The following TM4SF19 variants were observed in gnomAD, a reference collection of about 807,000 sequenced individuals.
TM4SF19 encodes transmembrane 4 L6 family member 19.
In TM4SF19, 17 loss-of-function variants were observed where a neutral mutation model predicts 21.8. That is an observed-to-expected ratio of 0.78 (90% confidence interval 0.53 to 1.17). The LOEUF is 1.17. Ranked by LOEUF, TM4SF19 falls within the 50% of genes most tolerant of loss-of-function variation. The pLI, the probability that TM4SF19 is intolerant of heterozygous loss-of-function variation, is 0.00. For missense variants in TM4SF19, 216 were observed against 252.1 expected (o/e 0.86, Z 0.97); for synonymous variants, 107 against 106.7 (o/e 1.00, Z -0.02).
rs35897935 is a variant in TM4SF19, at chr3:196,337,051, C to CTT, written c.-2+1211_-2+1212dup. On this transcript the variant is annotated intron_variant, in intron 1 of 4. Coordinates refer to ENST00000273695, the MANE Select transcript of TM4SF19 (RefSeq NM_138461.4). ...GACACTGCTGACGCAAAAAGCAATT[C>CTT]TTTTTTTTTTTTTTTTTTTTTTTTT... Among the ~76,000 whole-genome samples the CTT allele has an allele frequency of 6.1e-3, 412 of 67,834 alleles. 40 individuals carry two copies. Among genetic ancestry groups the CTT allele is most frequent in the Non-Finnish European group, 7.8e-3 (307 of 39,120 alleles). 44.5% of individuals were successfully genotyped at this position (67,834 alleles called of 152,430 possible). A position where few individuals can be genotyped will look rare whatever the true frequency, so the allele number is the denominator to read the frequency against.
At chr3:196,329,715 C>T (rs1317163600) in intron 1 of TM4SF19, among the ~76,000 whole-genome samples, 2 of 123,658 alleles carry the variant, frequency 1.6e-5, no homozygotes, top group African/African-American at 5.4e-5. Flanking sequence ...CACTAAAGGA[C>T]AAATATTGTA....
chr3:196,327,179 G>T lies in TM4SF19; in HGVS notation c.202-147C>A, dbSNP rs538053970. Reference sequence around the variant, plus strand: ...CTGGGGACCCACATTTGTATGACGAGCCTGATCTAACGCTGTGGATGTTAA... The same window carrying T: ...CTGGGGACCCACATTTGTATGACGATCCTGATCTAACGCTGTGGATGTTAA... On this transcript the variant is annotated intron_variant, in intron 2 of 4. Transcript: ENST00000273695. 40 of 794,344 alleles carry T rather than the reference G, an allele frequency of 5.0e-5. No homozygotes were observed. In the South Asian group the frequency reaches 6.3e-4, roughly 13 times the overall value. 49.2% of individuals were successfully genotyped at this position (794,344 alleles called of 1,614,324 possible).
In TM4SF19 at chr3:196,337,382, C is replaced by A. The variant is rs190047124; in HGVS notation, c.-2+882G>T. 2.0e-4 allele frequency among the ~76,000 whole-genome samples: 31 copies of A among 152,180 alleles called. 1 individual carries two copies. In the East Asian group the frequency reaches 3.9e-3, roughly 19 times the overall value. ...AGGTGACTATCAGGTGATGGCCAGG[C>A]GGTTGTTACACTGTCTTTCTAAAAT... On this transcript the variant is annotated intron_variant, in intron 1 of 4. Transcript: ENST00000273695.
At chr3:196,334,188 A>G (rs1282421210) in intron 1 of TM4SF19, among the ~76,000 whole-genome samples, 1 of 152,182 alleles carries the variant, frequency 6.6e-6, no homozygotes, top group Admixed American at 6.5e-5. Context: ...CCATCACATC[A>G]CTGACACTCA....
chr3:196,330,526 G>A (rs971828168), intron 1 of TM4SF19, among the ~76,000 whole-genome samples: 3 of 152,170 alleles, frequency 2.0e-5, no homozygotes. Flanking sequence ...AGTTCTATTA[G>A]GTAATAAAAT....
Position 196,327,286 on chromosome 3 carries a change from A to C in TM4SF19, c.201+104T>G, listed in dbSNP as rs1577406204. 7 of 1,166,156 alleles carry C rather than the reference A, an allele frequency of 6.0e-6. No individual in the cohort carries two copies. The East Asian group carries it at 1.8e-4, about 29-fold the overall frequency. 72.2% of individuals were successfully genotyped at this position (1,166,156 alleles called of 1,614,324 possible). On this transcript the variant is annotated intron_variant, in intron 2 of 4. Transcript: ENST00000273695. ...ACAGACCCAAGATCAGCTTGTTAGAATAAACTTTTCTGCAAGGAATCAAAA... is the reference window on the plus strand; with the variant it reads ...ACAGACCCAAGATCAGCTTGTTAGACTAAACTTTTCTGCAAGGAATCAAAA...
intron 1 of TM4SF19, among the ~76,000 whole-genome samples, chr3:196,334,578 C>T (rs1272221601): frequency 2.0e-5 from 3 of 152,042 alleles, no homozygotes; most frequent in African/African-American, 4.8e-5. Flanking sequence ...CTCAGACTCC[C>T]CAGTAGCTGG....
intron 1 of TM4SF19, among the ~76,000 whole-genome samples, chr3:196,332,164 G>C (rs546673487): frequency 1.7e-4 from 26 of 151,872 alleles, no homozygotes; most frequent in Middle Eastern, 3.4e-3. Context: ...CCAGCTACTC[G>C]GGAGGCTGAG....
intron 4 of TM4SF19, 37 bp downstream of exon 4, chr3:196,324,230 CTCTG>C (rs770336200): frequency 6.9e-6 from 11 of 1,586,374 alleles, no homozygotes; most frequent in Admixed American, 5.1e-5. Flanking sequence ...CTCTCTCTCT[CTCTG>C]TCTGAAAAGA....
chr3:196,329,111 T>G (rs1227918560), intron 1 of TM4SF19, among the ~76,000 whole-genome samples: 1 of 125,696 alleles, frequency 8.0e-6, no homozygotes, highest in Non-Finnish European at 1.7e-5. Flanking sequence ...GCCCGGTAAT[T>G]TTTTGTATTT....
intron 3 of TM4SF19, among the ~76,000 whole-genome samples, chr3:196,326,601 A>G (rs1045909015): frequency 1.3e-5 from 2 of 152,050 alleles, no homozygotes; most frequent in East Asian, 3.8e-4. Flanking sequence ...ATAACTAGGA[A>G]AATTTCCATC....
intron 3 of TM4SF19, 33 bp from the exon 4 acceptor site, chr3:196,324,473 G>A (rs756361618): frequency 5.7e-5 from 92 of 1,609,638 alleles, no homozygotes; most frequent in Middle Eastern, 1.6e-4. Flanking sequence ...GAGCTAAGAC[G>A]GGGTCGCAGC....
intron 1 of TM4SF19, 78 bp from the exon 2 acceptor site, chr3:196,327,669 G>A (rs1301121831): frequency 5.5e-6 from 7 of 1,279,282 alleles, no homozygotes; most frequent in Non-Finnish European, 5.6e-6. Flanking sequence ...CATATCATGG[G>A]TGAGGGAAAC....
chr3:196,330,363 A>G (rs1194956306), intron 1 of TM4SF19, among the ~76,000 whole-genome samples: 1 of 152,192 alleles, frequency 6.6e-6, no homozygotes, highest in Admixed American at 6.5e-5. Flanking sequence ...AATGTAATTA[A>G]TGTCACTGAA....
At chr3:196,324,193 G>C in intron 4 of TM4SF19, 78 bp downstream of exon 4, 2 of 1,541,338 alleles carry the variant, frequency 1.3e-6, no homozygotes, top group South Asian at 2.3e-5. Flanking sequence ...AAAGGAGCTT[G>C]TAGTTCGTCT....
chr3:196,332,178 G>GT (rs1357532543), intron 1 of TM4SF19, among the ~76,000 whole-genome samples: 2 of 151,796 alleles, frequency 1.3e-5, no homozygotes, highest in East Asian at 3.9e-4. Context: ...GGCTGAGGCA[G>GT]TAGAATGGCG....
chr3:196,336,425 ACAGCGCCCAGCC>A (rs1727765271), intron 1 of TM4SF19, among the ~76,000 whole-genome samples: 1 of 152,238 alleles, frequency 6.6e-6, no homozygotes, highest in Non-Finnish European at 1.5e-5. Flanking sequence ...GGTGTGAGCC[ACAGCGCCCAGCC>A]CAGAAAACTC....
chr3:196,324,019 C>A (rs1466894540), intron 4 of TM4SF19, 22 bp from the exon 5 acceptor site: 2 of 1,612,234 alleles, frequency 1.2e-6, no homozygotes, highest in Non-Finnish European at 1.7e-6. Context: ...AATAAGGAGA[C>A]CAGGGGTCAG....
rs1487105212 is a variant in TM4SF19, at chr3:196,327,463, A to G, written c.128T>C (p.Val43Ala). The G allele has an allele frequency of 6.2e-7, 1 of 1,614,052 alleles. No individual in the cohort carries two copies. The highest frequency in any genetic ancestry group is 8.5e-7 in the Non-Finnish European group (1 of 1,180,040). The stretch of plus-strand genomic sequence containing the variant: ...AAGGAGGCCCCTCAACAGGTAGGTG[A>G]CATCCCAGTTAGGAAGGAGGAGTGC... ...NVALLLPNWD[V>A]TYLLRGLLGR... The change falls in exon 2 of 5, where the codon GTC (valine) becomes GCC (alanine). Residue 43 changes from valine to alanine, a missense_variant. Val to Ala is a moderately conservative substitution (Grantham distance 64). Transcript: ENST00000273695.
Sources: allele counts gnomAD v4.1 joint callset (sites outside exome capture counted in the v4.1 genomes callset), GRCh38; gene constraint gnomAD v4.1.1; transcripts MANE v1.5; gene names NCBI Gene and HGNC (gene_info 2026-07-23, HGNC 2026-07-21).